The following GET1 variants were observed in gnomAD, a reference collection of about 807,000 sequenced individuals.
GET1 encodes the protein guided entry of tail-anchored proteins factor 1.
GET1 carries 20 observed loss-of-function variants against 22.6 expected under a neutral mutation model. That is an observed-to-expected ratio of 0.89 (90% CI 0.62 to 1.29). GET1 has a LOEUF of 1.29. Ranked by LOEUF, GET1 falls within the 50% of genes most tolerant of loss-of-function variation. GET1 has a pLI of 0.00. For synonymous variants in GET1, 92 were observed against 83.8 expected, an observed-to-expected ratio of 1.10 and a Z score of -0.53; for missense variants, 209 against 219.9, an observed-to-expected ratio of 0.95 and a Z score of 0.31.
At chr21:39,428,129 T>G (rs1377022288) in intron 1 of GET1, 1 of 1,140,760 alleles carries the variant, frequency 8.8e-7, no homozygotes, top group South Asian at 1.5e-5. Context: ...ATAACATCAT[T>G]ATGACAGAAA....
chr21:39,391,847 T>G lies in GET1; in HGVS notation c.336+11T>G. On this transcript the variant is annotated intron_variant, in intron 3 of 4. Transcript: ENST00000649170. Reference sequence around the variant, plus strand: ...TTCTACGTATTGCAGGTAAGTGTGCTAGAGCGTCAGCCGGGTCATTGGAGT... The same window carrying G: ...TTCTACGTATTGCAGGTAAGTGTGCGAGAGCGTCAGCCGGGTCATTGGAGT... 1 of 1,614,064 alleles carries G rather than the reference T, an allele frequency of 6.2e-7. No homozygotes were observed. The highest frequency in any genetic ancestry group is 8.5e-7 in the Non-Finnish European group (1 of 1,179,952).
At chr21:39,426,494 T>TG (rs1337826197) in intron 1 of GET1, among the ~76,000 whole-genome samples, 1 of 152,140 alleles carries the variant, frequency 6.6e-6, no homozygotes, top group Non-Finnish European at 1.5e-5. Context: ...TTTCAGAATT[T>TG]GGGGGTGGGT....
chr21:39,410,219 A>T, downstream of GET1: 1 of 1,310,872 alleles, frequency 7.6e-7, no homozygotes, highest in Non-Finnish European at 1.1e-6. Context: ...TATTTTTGTT[A>T]AGACATGTTT....
intron 1 of GET1, among the ~76,000 whole-genome samples, chr21:39,390,365 C>T (rs1398312584): frequency 6.6e-6 from 1 of 152,084 alleles, no homozygotes; most frequent in Non-Finnish European, 1.5e-5. Context: ...CCGGGACAGC[C>T]AGTGAGAGAA....
At chr21:39,389,685 TGGG>T (rs889978664) in intron 1 of GET1, among the ~76,000 whole-genome samples, 2 of 152,170 alleles carry the variant, frequency 1.3e-5, no homozygotes, top group African/African-American at 2.4e-5. Flanking sequence ...TGCCCTTTCT[TGGG>T]GACCCCTGTA....
intron 4 of GET1, among the ~76,000 whole-genome samples, chr21:39,405,444 T>C (rs1187360148): frequency 6.6e-6 from 1 of 152,198 alleles, no homozygotes; most frequent in Non-Finnish European, 1.5e-5. Flanking sequence ...TCCTCCCACC[T>C]TGGCCTCCTA....
chr21:39,385,294 C>CCCGCACTGGTCT (rs2037811779), intron 1 of GET1, among the ~76,000 whole-genome samples: 1 of 152,104 alleles, frequency 6.6e-6, no homozygotes. Flanking sequence ...CGCACTGGTC[C>CCCGCACTGGTCT]CCGCACTGGT....
At chr21:39,385,879 C>A (rs1267951007) in intron 1 of GET1, among the ~76,000 whole-genome samples, 1 of 152,002 alleles carries the variant, frequency 6.6e-6, no homozygotes, top group Non-Finnish European at 1.5e-5. Context: ...AGGACTGGCG[C>A]GGGCTCAGAG....
intron 1 of GET1, among the ~76,000 whole-genome samples, chr21:39,384,372 T>G (rs2037751983): frequency 6.6e-6 from 1 of 152,028 alleles, no homozygotes; most frequent in African/African-American, 2.4e-5. Context: ...TTCTCCTGCC[T>G]TAGCCTCCCG....
intron 1 of GET1, among the ~76,000 whole-genome samples, chr21:39,418,543 C>T (rs909821250): frequency 2.0e-5 from 3 of 151,914 alleles, no homozygotes; most frequent in Non-Finnish European, 2.9e-5. Context: ...CTCTGTCACC[C>T]AGGGTGGAGT....
chr21:39,380,820 A>T lies in GET1; in HGVS notation c.102+334A>T, dbSNP rs1173634563. ...TAATCCTGGTTCCTAGAGGCATTCG[A>T]GCAGCCCTCGGCCAGGGTTTCCCAG... On this transcript the variant is annotated intron_variant, in intron 1 of 4. Coordinates refer to ENST00000649170, the MANE Select transcript of GET1 (RefSeq NM_004627.6). 4.0e-6 allele frequency: 4 copies of T among 1,011,526 alleles called. No homozygotes were observed. The East Asian group carries it at 2.9e-4, about 74-fold the overall frequency. The allele number at this position is 1,011,526 out of a possible 1,614,324, so 62.7% of individuals were successfully genotyped here.
chr21:39,382,051 C>A (rs1357455243), intron 1 of GET1, among the ~76,000 whole-genome samples: 1 of 149,644 alleles, frequency 6.7e-6, no homozygotes, highest in Admixed American at 6.7e-5. Context: ...GCTCCCAGAA[C>A]ATTTTCTTTT....
chr21:39,387,741 C>G (rs2038011452), intron 1 of GET1: 7 of 984,746 alleles, frequency 7.1e-6, no homozygotes, highest in Non-Finnish European at 8.4e-6. Context: ...GGCGGCATCA[C>G]TGGGCGGGTC....
chr21:39,383,387 T>G (rs543932188), intron 1 of GET1, among the ~76,000 whole-genome samples: 1 of 151,900 alleles, frequency 6.6e-6, no homozygotes, highest in South Asian at 2.1e-4. Context: ...GTTCAAGAGA[T>G]TCTCCTGCCT....
intron 4 of GET1, among the ~76,000 whole-genome samples, chr21:39,395,750 C>G (rs570958322): frequency 1.3e-5 from 2 of 152,160 alleles, no homozygotes; most frequent in Non-Finnish European, 2.9e-5. Flanking sequence ...TTGTTTGACA[C>G]AGCTGGGCCT....
chr21:39,394,337 T>G (rs2038501830), intron 4 of GET1, among the ~76,000 whole-genome samples: 1 of 152,086 alleles, frequency 6.6e-6, no homozygotes, highest in South Asian at 2.1e-4. Flanking sequence ...TAAAATAAAA[T>G]AAATAAAAAA....
At chr21:39,411,099 C>T (rs957330841), downstream of GET1, 1 of 340,074 alleles carries the variant, frequency 2.9e-6, no homozygotes, top group Non-Finnish European at 5.8e-6. Context: ...CTATGCTGAA[C>T]AAAAGCAGCC....
chr21:39,420,004 G>A (rs764239267), intron 1 of GET1, among the ~76,000 whole-genome samples: 12 of 152,020 alleles, frequency 7.9e-5, no homozygotes, highest in Non-Finnish European at 4.4e-5. Context: ...TAAATATTAT[G>A]TTTTTAAACG....
At chr21:39,388,859 A>AC (rs1368559899) in intron 1 of GET1, among the ~76,000 whole-genome samples, 1 of 152,122 alleles carries the variant, frequency 6.6e-6, no homozygotes, top group Non-Finnish European at 1.5e-5. Context: ...GGTGCAGGGA[A>AC]CAGGGGCCTG....
Sources: allele counts gnomAD v4.1 joint callset (sites outside exome capture counted in the v4.1 genomes callset), GRCh38; gene constraint gnomAD v4.1.1; transcripts MANE v1.5; gene names NCBI Gene and HGNC (gene_info 2026-07-23, HGNC 2026-07-21).